BEST3: variants seen among roughly 807,000 people sequenced by gnomAD.
BEST3 encodes bestrophin-3.
A neutral mutation model predicts 47.1 loss-of-function variants in BEST3; 50 were observed. That is an observed-to-expected ratio of 1.06 (90% CI 0.85 to 1.34). BEST3 has a LOEUF of 1.34. Ranked by LOEUF, BEST3 falls within the 40% of genes most tolerant of loss-of-function variation. The pLI is 0.00. For synonymous variants in BEST3, 282 were observed against 298.8 expected (o/e 0.94, Z 0.58); for missense variants, 765 against 817.0 (o/e 0.94, Z 0.78).
chr12:69,665,033 A>G (rs1194706537), intron 9 of BEST3, among the ~76,000 whole-genome samples: 1 of 150,622 alleles, frequency 6.6e-6, no homozygotes, highest in Non-Finnish European at 1.5e-5. Context: ...AGTGGACAGC[A>G]CTACAGCGAA....
At chr12:69,680,902 A>G (rs993287080) in intron 4 of BEST3, among the ~76,000 whole-genome samples, 1 of 151,614 alleles carries the variant, frequency 6.6e-6, no homozygotes, top group African/African-American at 2.4e-5. Flanking sequence ...GAGCAGCAGC[A>G]TTCCTTTTAA....
At chr12:69,691,240 A>G (rs1038091948) in intron 4 of BEST3, among the ~76,000 whole-genome samples, 1 of 152,216 alleles carries the variant, frequency 6.6e-6, no homozygotes, top group South Asian at 2.1e-4. Flanking sequence ...CATTTTGCAA[A>G]TGCTAACTTT....
At chr12:69,664,263 C>T (rs1230899921) in intron 9 of BEST3, among the ~76,000 whole-genome samples, 3 of 152,210 alleles carry the variant, frequency 2.0e-5, no homozygotes, top group Non-Finnish European at 1.5e-5. Context: ...CCAGATTAGA[C>T]AGAGAAAGAT....
In BEST3 at chr12:69,691,477, AAC is replaced by A. The variant is rs1243486723; in HGVS notation, c.481+2195_481+2196del. On this transcript the variant is annotated intron_variant, in intron 4 of 9. Transcript: ENST00000330891. ...GGTCATTCTTGTCGTACCCAACTAAAACAGAGTCAAGAAGCCACCAGGAAAAA... is the reference window on the plus strand; with the variant it reads ...GGTCATTCTTGTCGTACCCAACTAAAAGAGTCAAGAAGCCACCAGGAAAAA... 5.9e-5 allele frequency among the ~76,000 whole-genome samples: 9 copies of A among 152,264 alleles called. No individual in the cohort carries two copies. In the South Asian group the frequency reaches 1.9e-3, roughly 32 times the overall value.
intron 9 of BEST3, 136 bp downstream of exon 9, chr12:69,671,292 A>G (rs3847773): frequency 0.36 from 315,803 of 865,792 alleles, 61,128 homozygotes; most frequent in South Asian, 0.56. Context: ...AGCCTCCCCA[A>G]GTAGCTAGGA....
chr12:69,683,868 G>A (rs1332644089), intron 4 of BEST3: 2 of 152,098 alleles, frequency 1.3e-5, no homozygotes, highest in African/African-American at 2.4e-5. Flanking sequence ...AATCAAAGTC[G>A]GTCAACTGAA....
At chr12:69,676,501 G>C (rs977254918) in intron 7 of BEST3, among the ~76,000 whole-genome samples, 21 of 151,742 alleles carry the variant, frequency 1.4e-4, no homozygotes, top group Non-Finnish European at 2.9e-5. Context: ...TAACTATAGA[G>C]TTGAGCAGAA....
chr12:69,666,028 T>C (rs1884192126), intron 9 of BEST3, among the ~76,000 whole-genome samples: 1 of 152,044 alleles, frequency 6.6e-6, no homozygotes, highest in Admixed American at 6.6e-5. Context: ...TTAAACTTCT[T>C]TTTTTTTCTG....
chr12:69,670,208 A>G, intron 9 of BEST3: 1 of 454,278 alleles, frequency 2.2e-6, no homozygotes, highest in East Asian at 3.4e-5. Flanking sequence ...TGAGACATGC[A>G]TACAACAAGA....
chr12:69,661,754 T>A (rs2135932056), intron 9 of BEST3, among the ~76,000 whole-genome samples: 1 of 152,212 alleles, frequency 6.6e-6, no homozygotes, highest in Non-Finnish European at 1.5e-5. Flanking sequence ...AGGTGGACAG[T>A]TCCAAGCTCC....
Position 69,694,397 on chromosome 12 carries a change from C to A in BEST3, c.220G>T (p.Glu74Ter). Residue 74 changes from glutamate (E) to a stop codon, truncating the protein, a stop_gained, in exon 3 of 10, where the codon GAA becomes TAA. Transcript: ENST00000330891. LOFTEE classifies it high-confidence loss of function. The stretch of plus-strand genomic sequence containing the variant: ...AGCACAAAGGTTACTGGAATTTGTT[C>A]AGCATATCTGTCACAGTAAATTGAT... Reference protein sequence around the residue: ...KLSIYCDRYAEQIPVTFVLGF... With the variant: ...KLSIYCDRYA 1 of 1,607,926 alleles carries A rather than the reference C, an allele frequency of 6.2e-7. No individual in the cohort carries two copies. Among genetic ancestry groups the A allele is most frequent in the Non-Finnish European group, 8.5e-7 (1 of 1,177,362 alleles).
chr12:69,697,825 A>G lies in BEST3; in HGVS notation c.-15-12T>C, dbSNP rs1886191782. ...TTGGATAGTTTTTTCTAGAAGAGCA[A>G]GAAGACAAAACACAAGTAAAAAGCA... On this transcript the variant is annotated splice_polypyrimidine_tract_variant and intron_variant, in intron 1 of 9. Transcript: ENST00000330891. 6.3e-7 allele frequency: 1 copy of G among 1,592,772 alleles called. No individual in the cohort carries two copies. The highest frequency in any genetic ancestry group is 8.5e-7 in the Non-Finnish European group (1 of 1,171,958).
At chr12:69,689,673 C>A (rs982964245) in intron 4 of BEST3, among the ~76,000 whole-genome samples, 1 of 152,174 alleles carries the variant, frequency 6.6e-6, no homozygotes, top group Non-Finnish European at 1.5e-5. Flanking sequence ...GAAAGGCTTT[C>A]ACCTCATCAC....
chr12:69,686,483 A>C (rs1565840335), intron 4 of BEST3, among the ~76,000 whole-genome samples: 1 of 152,156 alleles, frequency 6.6e-6, no homozygotes, highest in Non-Finnish European at 1.5e-5. Context: ...GAGATAAAAG[A>C]AAATATGCTG....
chr12:69,647,862 T>C (rs1883088561), intron 9 of BEST3, among the ~76,000 whole-genome samples: 1 of 152,198 alleles, frequency 6.6e-6, no homozygotes, highest in Non-Finnish European at 1.5e-5. Flanking sequence ...AACAAGGGTC[T>C]ATTATTAGTC....
chr12:69,693,821 T>A lies in BEST3; in HGVS notation c.334A>T (p.Ser112Cys). ...WPDRLMFLIS[S>C]SVHGSDEHGR... ...TGCTCGTCGCTTCCGTGAACACTGC[T>A]AGAGATGAGGAACATTAGCCTGTCT... The change falls in exon 4 of 10, where the codon AGC becomes TGC. Residue 112 changes from serine to cysteine, a missense_variant. Ser to Cys is a moderately radical substitution (Grantham distance 112). Transcript: ENST00000330891. The A allele has an allele frequency of 6.2e-7, 1 of 1,614,132 alleles. No individual in the cohort carries two copies. Among genetic ancestry groups the A allele is most frequent in the Non-Finnish European group, 8.5e-7 (1 of 1,180,012 alleles).
exon 10 of BEST3, chr12:69,643,772 C>G (rs1478022684): frequency 2.8e-6 from 2 of 715,452 alleles, no homozygotes. Flanking sequence ...TCCACTCATT[C>G]TTAGGCATCT....
chr12:69,657,867 C>T (rs920970102), intron 9 of BEST3, among the ~76,000 whole-genome samples: 3 of 152,320 alleles, frequency 2.0e-5, no homozygotes. Flanking sequence ...GCCTCAGCAG[C>T]GCCCTTGGCT....
chr12:69,693,245 C>CTTTT (rs71094730), intron 4 of BEST3, among the ~76,000 whole-genome samples: 3 of 136,650 alleles, frequency 2.2e-5, no homozygotes, highest in Non-Finnish European at 3.1e-5. Context: ...CTCTCTCTCT[C>CTTTT]TTTTTTTTTT....
Sources: gnomAD v4.1 joint callset for allele counts (sites outside exome capture counted in the v4.1 genomes callset) on GRCh38, gnomAD v4.1.1 for gene constraint, MANE v1.5 for transcripts, NCBI Gene and HGNC (gene_info 2026-07-23, HGNC 2026-07-21) for gene names.